Variants in TTC29 observed in about 807,000 individuals in gnomAD.
TTC29 encodes tetratricopeptide repeat domain 29, also known as tetratricopeptide repeat protein 29.
Under a neutral mutation model 58.1 loss-of-function variants are expected in TTC29, and 49 were observed. That is an observed-to-expected ratio of 0.84 (90% CI 0.67 to 1.07). TTC29 has a LOEUF of 1.07. Ranked by LOEUF, TTC29 falls within the 50% of genes least tolerant of loss-of-function variation. TTC29 has a pLI of 0.00. For synonymous variants in TTC29, 209 were observed against 196.8 expected (o/e 1.06, Z -0.52); for missense variants, 582 against 555.6 (o/e 1.05, Z -0.48).
At chr4:146,923,775 C>A (rs886551548) in intron 4 of TTC29, among the ~76,000 whole-genome samples, 1 of 151,712 alleles carries the variant, frequency 6.6e-6, no homozygotes, top group Non-Finnish European at 1.5e-5. Flanking sequence ...CAACTCTTGA[C>A]AAGATAATTC....
intron 4 of TTC29, among the ~76,000 whole-genome samples, chr4:146,920,176 G>GA (rs1462519549): frequency 1.3e-5 from 2 of 151,026 alleles, no homozygotes; most frequent in Non-Finnish European, 3.0e-5. Context: ...TTTAGAAAAT[G>GA]AAGTTCTACA....
intron 6 of TTC29, among the ~76,000 whole-genome samples, chr4:146,881,753 A>G (rs1413645963): frequency 1.3e-5 from 2 of 152,096 alleles, no homozygotes; most frequent in African/African-American, 4.8e-5. Context: ...TCAAGGGTTT[A>G]TCTCCTGTCA....
intron 11 of TTC29, among the ~76,000 whole-genome samples, chr4:146,709,746 C>A (rs563647275): frequency 6.6e-6 from 1 of 152,082 alleles, no homozygotes; most frequent in East Asian, 1.9e-4. Flanking sequence ...TCAAACCTCC[C>A]AACCTCCACT....
chr4:146,793,348 CT>C, intron 11 of TTC29, among the ~76,000 whole-genome samples: 1 of 152,268 alleles, frequency 6.6e-6, no homozygotes, highest in East Asian at 1.9e-4. Flanking sequence ...AACCACCACC[CT>C]GATCAATCAA....
chr4:146,867,846 A>G (rs1303413120), intron 7 of TTC29, among the ~76,000 whole-genome samples: 1 of 152,158 alleles, frequency 6.6e-6, no homozygotes, highest in East Asian at 1.9e-4. Context: ...TGGCAAATAT[A>G]TAACTTGCTT....
intron 8 of TTC29, among the ~76,000 whole-genome samples, chr4:146,857,504 T>C (rs1729945435): frequency 6.6e-6 from 1 of 152,192 alleles, no homozygotes; most frequent in African/African-American, 2.4e-5. Context: ...CATCTCAAGC[T>C]GAGTGGCGAG....
At chr4:146,716,750 C>T (rs1308386305) in intron 11 of TTC29, among the ~76,000 whole-genome samples, 1 of 152,020 alleles carries the variant, frequency 6.6e-6, no homozygotes, top group African/African-American at 2.4e-5. Context: ...GAAATAACAT[C>T]TCTGAAAAAC....
intron 11 of TTC29, among the ~76,000 whole-genome samples, chr4:146,775,400 T>C (rs1163402186): frequency 6.6e-6 from 1 of 152,148 alleles, no homozygotes; most frequent in Non-Finnish European, 1.5e-5. Context: ...TTTCTTTCCA[T>C]ATTTAGCACT....
chr4:146,756,257 C>T (rs1280748348), intron 11 of TTC29, among the ~76,000 whole-genome samples: 1 of 123,002 alleles, frequency 8.1e-6, no homozygotes, highest in Non-Finnish European at 1.6e-5. Flanking sequence ...GGTGACAGAG[C>T]AAGACTCTGT....
At chr4:146,715,245 C>A (rs532578009) in intron 11 of TTC29, among the ~76,000 whole-genome samples, 1 of 152,254 alleles carries the variant, frequency 6.6e-6, no homozygotes, top group East Asian at 1.9e-4. Context: ...TGCAATCCAG[C>A]AATCCCACTG....
rs201325208 is a variant in TTC29, at chr4:146,909,304, C to G, written c.177-55G>C. On this transcript the variant is annotated intron_variant, in intron 4 of 12. Transcript: ENST00000325106. ...TTTATGTTAATCCTTTCAGTCTGCA[C>G]GGTATTTTCATTCTCTAATAATTAA... 2.5e-5 allele frequency: 33 copies of G among 1,332,374 alleles called. No individual in the cohort carries two copies. In the African/African-American group the frequency reaches 3.2e-4, roughly 13 times the overall value. The allele number at this position is 1,332,374 out of a possible 1,614,324, so 82.5% of individuals were successfully genotyped here.
chr4:146,844,510 A>C (rs1729042504), intron 8 of TTC29, among the ~76,000 whole-genome samples: 1 of 152,188 alleles, frequency 6.6e-6, no homozygotes, highest in Non-Finnish European at 1.5e-5. Context: ...CCTTGAAAGA[A>C]AAATTTCCTA....
intron 9 of TTC29, among the ~76,000 whole-genome samples, chr4:146,823,931 T>C (rs187747934): frequency 0.019 from 2,861 of 152,292 alleles, 41 homozygotes; most frequent in Non-Finnish European, 0.025. Context: ...GGAATACTTG[T>C]GATTTTCACA....
chr4:146,876,540 G>C (rs183398207), intron 6 of TTC29, among the ~76,000 whole-genome samples: 1 of 152,124 alleles, frequency 6.6e-6, no homozygotes, highest in Admixed American at 6.6e-5. Context: ...CATTGAATTT[G>C]TTACCAGAAT....
chr4:146,712,358 C>T (rs1334876144), intron 11 of TTC29, among the ~76,000 whole-genome samples: 2 of 152,130 alleles, frequency 1.3e-5, no homozygotes, highest in East Asian at 3.8e-4. Context: ...GATTTTGACG[C>T]TATCTCAGTT....
At chr4:146,906,174 AG>A (rs1367870980) in intron 5 of TTC29, among the ~76,000 whole-genome samples, 1 of 152,164 alleles carries the variant, frequency 6.6e-6, no homozygotes, top group Non-Finnish European at 1.5e-5. Flanking sequence ...AAAAAAAAAA[AG>A]TATCAGGGAC....
intron 11 of TTC29, among the ~76,000 whole-genome samples, chr4:146,792,318 T>C (rs570776474): frequency 6.6e-6 from 1 of 152,176 alleles, no homozygotes; most frequent in African/African-American, 2.4e-5. Flanking sequence ...TCAGGGTCCT[T>C]AAGAATTATG....
At chr4:146,866,415 C>T (rs1018383865) in intron 8 of TTC29, among the ~76,000 whole-genome samples, 5 of 152,128 alleles carry the variant, frequency 3.3e-5, no homozygotes, top group Admixed American at 3.3e-4. Flanking sequence ...AATCCTGTCT[C>T]TCAAAAACTT....
At chr4:146,798,817 A>C (rs548132477) in intron 11 of TTC29, among the ~76,000 whole-genome samples, 2 of 143,450 alleles carry the variant, frequency 1.4e-5, no homozygotes, top group East Asian at 4.4e-4. Flanking sequence ...AACCTGGGAG[A>C]CGGAGCTTGT....
Sources: gnomAD v4.1 joint callset for allele counts (sites outside exome capture counted in the v4.1 genomes callset) on GRCh38, gnomAD v4.1.1 for gene constraint, MANE v1.5 for transcripts, NCBI Gene and HGNC (gene_info 2026-07-23, HGNC 2026-07-21) for gene names.